The following ST6GALNAC3 variants were observed in gnomAD, a reference collection of about 807,000 sequenced individuals.
ST6GALNAC3 encodes ST6 N-acetylgalactosaminide alpha-2,6-sialyltransferase 3.
ST6GALNAC3 carries 25 observed loss-of-function variants against 32.7 expected under a neutral mutation model. The ratio of observed to expected loss-of-function variants is 0.76; its 90% confidence interval spans 0.56 to 1.07. ST6GALNAC3 has a LOEUF of 1.07. ST6GALNAC3 is among the 50% of genes least tolerant of loss of function. ST6GALNAC3 has a pLI of 0.00. For synonymous variants in ST6GALNAC3, 129 were observed against 133.1 expected (o/e 0.97, Z 0.21); for missense variants, 355 against 382.4 (o/e 0.93, Z 0.60).
intron 3 of ST6GALNAC3, among the ~76,000 whole-genome samples, chr1:76,523,539 G>T (rs1422370309): frequency 6.6e-6 from 1 of 152,102 alleles, no homozygotes; most frequent in Non-Finnish European, 1.5e-5. Flanking sequence ...CCAGGAATAG[G>T]CTGACTTTAG....
Position 76,628,721 on chromosome 1 carries a change from G to A in ST6GALNAC3, c.833G>A (p.Arg278Lys). Residue 278 changes from arginine to lysine, a missense_variant, in exon 5 of 5, where the codon AGG (arginine) becomes AAG (lysine). Physicochemically the swap from Arg to Lys is conservative, Grantham distance 26. Transcript: ENST00000328299. The part of the protein sequence containing the change: ...LHEHAPYGGH[R>K]FITEKKVFAK... ...GAACATGCCCCATATGGGGGTCATAGGTTTATCACTGAAAAGAAAGTGTTT... is the reference window on the plus strand; with the variant it reads ...GAACATGCCCCATATGGGGGTCATAAGTTTATCACTGAAAAGAAAGTGTTT... The A allele has an allele frequency of 6.2e-7, 1 of 1,612,484 alleles. No individual in the cohort carries two copies. Among genetic ancestry groups the A allele is most frequent in the Non-Finnish European group, 8.5e-7 (1 of 1,179,050 alleles).
intron 1 of ST6GALNAC3, among the ~76,000 whole-genome samples, chr1:76,079,212 C>T (rs548595928): frequency 1.3e-5 from 2 of 152,226 alleles, no homozygotes; most frequent in East Asian, 3.9e-4. Context: ...TTTAAAAAGT[C>T]TCTCAAATTT....
chr1:76,279,020 C>T (rs1018763253), intron 1 of ST6GALNAC3, among the ~76,000 whole-genome samples: 1 of 152,158 alleles, frequency 6.6e-6, no homozygotes, highest in Admixed American at 6.5e-5. Context: ...TCACTAAGGT[C>T]AGCAGACATT....
At chr1:76,345,728 G>C (rs555473638) in intron 2 of ST6GALNAC3, among the ~76,000 whole-genome samples, 1 of 152,058 alleles carries the variant, frequency 6.6e-6, no homozygotes, top group African/African-American at 2.4e-5. Flanking sequence ...AAAGGATGGG[G>C]ATCTGCTCCC....
At chr1:76,469,609 C>A (rs1658885401) in intron 3 of ST6GALNAC3, among the ~76,000 whole-genome samples, 1 of 152,020 alleles carries the variant, frequency 6.6e-6, no homozygotes, top group Admixed American at 6.6e-5. Flanking sequence ...CAGAAAGATT[C>A]ACAATGAATA....
At chr1:76,425,915 A>G (rs1340706666) in intron 3 of ST6GALNAC3, among the ~76,000 whole-genome samples, 1 of 151,974 alleles carries the variant, frequency 6.6e-6, no homozygotes, top group African/African-American at 2.4e-5. Context: ...TGCTTTGTCT[A>G]TAATCCTGGA....
intron 3 of ST6GALNAC3, among the ~76,000 whole-genome samples, chr1:76,435,515 A>G (rs181760066): frequency 4.6e-5 from 7 of 152,310 alleles, no homozygotes; most frequent in South Asian, 2.1e-4. Context: ...GATAGATCAT[A>G]GATAATCATT....
At chr1:76,317,706 A>G (rs4611076) in intron 2 of ST6GALNAC3, among the ~76,000 whole-genome samples, 150,925 of 152,226 alleles carry the variant, frequency 0.99, 74,831 homozygotes, top group Middle Eastern at 1. Flanking sequence ...CATGGCTGTT[A>G]ATGATGGGTT....
chr1:76,615,124 A>G (rs572375390), intron 3 of ST6GALNAC3, among the ~76,000 whole-genome samples: 33 of 152,254 alleles, frequency 2.2e-4, no homozygotes, highest in African/African-American at 6.0e-4. Context: ...TGGTGCTTCA[A>G]TGATAAGGAG....
intron 1 of ST6GALNAC3, among the ~76,000 whole-genome samples, chr1:76,122,554 TCACTGGCTATG>T (rs1216557466): frequency 6.6e-6 from 1 of 152,214 alleles, no homozygotes; most frequent in African/African-American, 2.4e-5. Flanking sequence ...AAAGCCTCCT[TCACTGGCTATG>T]CACCACTTGT....
chr1:76,569,539 A>C (rs1372109614), intron 3 of ST6GALNAC3, among the ~76,000 whole-genome samples: 2 of 152,198 alleles, frequency 1.3e-5, no homozygotes, highest in African/African-American at 2.4e-5. Context: ...TACTGGTTGC[A>C]AATGAAACTT....
chr1:76,180,643 A>C, intron 1 of ST6GALNAC3, among the ~76,000 whole-genome samples: 1 of 152,218 alleles, frequency 6.6e-6, no homozygotes, highest in East Asian at 1.9e-4. Flanking sequence ...GCAGATGAGC[A>C]GACAAATGGC....
intron 1 of ST6GALNAC3, among the ~76,000 whole-genome samples, chr1:76,110,907 T>C (rs908707687): frequency 3.3e-5 from 5 of 152,200 alleles, no homozygotes; most frequent in African/African-American, 4.8e-5. Context: ...TGATTAATCT[T>C]TTGTACACAA....
chr1:76,238,002 G>A (rs1174513091), intron 1 of ST6GALNAC3, among the ~76,000 whole-genome samples: 1 of 152,198 alleles, frequency 6.6e-6, no homozygotes, highest in Non-Finnish European at 1.5e-5. Context: ...ATTTCAAAGT[G>A]CTTTCCGAAT....
At chr1:76,206,077 G>A (rs1372457043) in intron 1 of ST6GALNAC3, among the ~76,000 whole-genome samples, 2 of 152,142 alleles carry the variant, frequency 1.3e-5, no homozygotes, top group Non-Finnish European at 2.9e-5. Context: ...CAAAATGTGA[G>A]ACATGGTCTT....
At chr1:76,388,274 A>G (rs1439646532) in intron 2 of ST6GALNAC3, among the ~76,000 whole-genome samples, 1 of 152,130 alleles carries the variant, frequency 6.6e-6, no homozygotes, top group African/African-American at 2.4e-5. Flanking sequence ...GCCCTTTTCA[A>G]ATGTACTCAG....
At chr1:76,433,502 A>T (rs550603864) in intron 3 of ST6GALNAC3, among the ~76,000 whole-genome samples, 1 of 152,208 alleles carries the variant, frequency 6.6e-6, no homozygotes, top group Non-Finnish European at 1.5e-5. Flanking sequence ...ACATAATAAG[A>T]AAGAAAAAGC....
intron 1 of ST6GALNAC3, among the ~76,000 whole-genome samples, chr1:76,124,283 C>G (rs983164924): frequency 1.3e-5 from 2 of 148,984 alleles, no homozygotes; most frequent in African/African-American, 4.9e-5. Flanking sequence ...AGCTGTGAAG[C>G]TGAGTCCCGT....
chr1:76,290,885 G>A (rs1570710881), intron 1 of ST6GALNAC3, among the ~76,000 whole-genome samples: 1 of 152,270 alleles, frequency 6.6e-6, no homozygotes, highest in South Asian at 2.1e-4. Flanking sequence ...ATAAAACAGG[G>A]GAGGAGGGGA....
Sources: allele counts gnomAD v4.1 joint callset (sites outside exome capture counted in the v4.1 genomes callset), GRCh38; gene constraint gnomAD v4.1.1; transcripts MANE v1.5; gene names NCBI Gene and HGNC (gene_info 2026-07-23, HGNC 2026-07-21).